The following MYO18A variants were observed in gnomAD, a reference collection of about 807,000 sequenced individuals.
MYO18A encodes the protein myosin XVIIIA, also known as unconventional myosin-XVIIIa.
In MYO18A, 78 loss-of-function variants were observed where a neutral mutation model predicts 235.8. The ratio of observed to expected loss-of-function variants is 0.33; its 90% CI spans 0.28 to 0.40. MYO18A has a LOEUF of 0.40. Ranked by LOEUF, MYO18A falls within the 10% of genes least tolerant of loss-of-function variation. The pLI is 1.00. For missense variants in MYO18A, 2,215 were observed against 2,699.3 expected (o/e 0.82, Z 3.98); for synonymous variants, 977 against 1,077.8 (o/e 0.91, Z 1.83).
rs946263898 is a variant in MYO18A at position 29,158,598 on chromosome 17, G to A, written c.999+7344C>T. Among the ~76,000 whole-genome samples the A allele has an allele frequency of 3.9e-5, 6 of 152,294 alleles. No homozygotes were observed. Among genetic ancestry groups the A allele is most frequent in the Middle Eastern group, 3.4e-3 (1 of 294 alleles). On this transcript the variant is annotated intron_variant, in intron 2 of 41. Coordinates refer to ENST00000527372, the MANE Select transcript of MYO18A (RefSeq NM_078471.4). This position sits in a 1 kb window ranked among gnomAD's most constrained non-coding sequence, Gnocchi z 4.3. ...CCGCTGCCCAGGACTGACAATGGAG[G>A]CGCCAGGCTGCCTGCCCAGGCAGCA...
intron 19 of MYO18A, among the ~76,000 whole-genome samples, chr17:29,108,062 AACAGCG>A (rs1263884267): frequency 6.6e-6 from 1 of 151,844 alleles, no homozygotes; most frequent in Non-Finnish European, 1.5e-5. Context: ...TTCACCTTTA[AACAGCG>A]GCCCTCGCAC....
intron 2 of MYO18A, among the ~76,000 whole-genome samples, chr17:29,150,411 T>C (rs2067941868): frequency 6.6e-6 from 1 of 152,232 alleles, no homozygotes; most frequent in Admixed American, 6.5e-5. Context: ...GCTGCCCCAG[T>C]TGTGGTGGCA....
At chr17:29,128,234 TTTTCTCCCCTCTTGCTTCGAGTCGG>T in intron 2 of MYO18A, 1 of 1,164,264 alleles carries the variant, frequency 8.6e-7, no homozygotes, top group Non-Finnish European at 1.1e-6. Context: ...AGAAGCTGCC[TTTTCTCCCCTCTTGCTTCGAGTCGG>T]GTGCTCGGGG....
chr17:29,110,896 A>G (rs1486822316), intron 17 of MYO18A, among the ~76,000 whole-genome samples: 1 of 152,218 alleles, frequency 6.6e-6, no homozygotes, highest in Non-Finnish European at 1.5e-5. Flanking sequence ...TCCCCTCACC[A>G]GGGAGGGCAA....
At chr17:29,085,165 A>T (rs1015754366) in intron 40 of MYO18A, among the ~76,000 whole-genome samples, 28 of 152,178 alleles carry the variant, frequency 1.8e-4, no homozygotes, top group African/African-American at 6.8e-4. Context: ...TTAAAGATGA[A>T]ACACGCCCGC....
At chr17:29,136,235 G>GAA (rs1181249964) in intron 2 of MYO18A, among the ~76,000 whole-genome samples, 1,104 of 105,172 alleles carry the variant, frequency 0.01, 20 homozygotes, top group South Asian at 0.058. Context: ...CATCTCAAAA[G>GAA]AAAAAAAAAA....
At chr17:29,089,231 GA>G in intron 37 of MYO18A, among the ~76,000 whole-genome samples, 1 of 151,302 alleles carries the variant, frequency 6.6e-6, no homozygotes, top group Non-Finnish European at 1.5e-5. Flanking sequence ...AGGAGATCAA[GA>G]CCATCCTGGC....
Position 29,117,157 on chromosome 17 carries a change from T to A in MYO18A, c.2039-702A>T, listed in dbSNP as rs12602635. On this transcript the variant is annotated intron_variant, in intron 10 of 41. Transcript: ENST00000527372. This position sits in a 1 kb window ranked among gnomAD's most constrained non-coding sequence, Gnocchi z 4.6. The stretch of plus-strand genomic sequence containing the variant: ...GGTGCTGTTCAGCGCCAGCATCCCC[T>A]TTCCCTAAACTGGAGAAAAAGGGGG... Among the ~76,000 whole-genome samples the A allele has an allele frequency of 6.6e-6, 1 of 152,096 alleles. No individual in the cohort carries two copies. The highest frequency in any genetic ancestry group is 1.9e-4 in the East Asian group (1 of 5,156).
Position 29,122,004 on chromosome 17 carries a change from C to T in MYO18A, c.1088-47G>A, listed in dbSNP as rs767712474. The T allele has an allele frequency of 3.8e-6, 6 of 1,593,954 alleles. No individual in the cohort carries two copies. The African/African-American group carries it at 8.1e-5, about 21-fold the overall frequency. ...CTGGGATGGGCCTGGGAAGCCTCTG[C>T]TACTCCACTTGGGAACTTCTCGGTC... On this transcript the variant is annotated intron_variant, in intron 3 of 41. Transcript: ENST00000527372.
At chr17:29,160,842 CT>C (rs1044880289) in intron 2 of MYO18A, among the ~76,000 whole-genome samples, 1 of 152,252 alleles carries the variant, frequency 6.6e-6, no homozygotes, top group Middle Eastern at 3.2e-3. Context: ...AGAAGTACCC[CT>C]ACCACAGCGA....
At chr17:29,076,715 T>C (rs372427371) in intron 41 of MYO18A, 1 of 152,118 alleles carries the variant, frequency 6.6e-6, no homozygotes, top group East Asian at 1.9e-4. Flanking sequence ...TATTTTAGCT[T>C]TGGGGTTGTT....
intron 37 of MYO18A, among the ~76,000 whole-genome samples, chr17:29,089,458 G>A (rs239264): frequency 1.1e-4 from 12 of 108,904 alleles, no homozygotes; most frequent in Admixed American, 1.9e-4. Context: ...GAAGGGAGAA[G>A]AAAGAATAGG....
chr17:29,158,100 G>A lies in MYO18A; in HGVS notation c.999+7842C>T, dbSNP rs1567639060. On this transcript the variant is annotated intron_variant, in intron 2 of 41. Transcript: ENST00000527372. The surrounding 1 kb of genome is among the most constrained non-coding windows in gnomAD (Gnocchi z 4.3). ...TGAGCCACTGTGCCCTGCCTTGGCTGAGTCTTACCCAGATCAATTAAACAC... is the reference window on the plus strand; with the variant it reads ...TGAGCCACTGTGCCCTGCCTTGGCTAAGTCTTACCCAGATCAATTAAACAC... Among the ~76,000 whole-genome samples the A allele has an allele frequency of 1.3e-5, 2 of 152,136 alleles. No homozygotes were observed. The highest frequency in any genetic ancestry group is 2.9e-5 in the Non-Finnish European group (2 of 68,028).
chr17:29,118,351 C>G lies in MYO18A; in HGVS notation c.1893+26G>C. On this transcript the variant is annotated intron_variant, in intron 9 of 41. Coordinates refer to ENST00000527372, the MANE Select transcript of MYO18A (RefSeq NM_078471.4). This position sits in a 1 kb window ranked among gnomAD's most constrained non-coding sequence, Gnocchi z 4.2. Reference sequence around the variant, plus strand: ...TCCTACCCCCAAGGCCCAGGGCTGGCAACCCAGACCCCACAGACCCCTCAC... The same window carrying G: ...TCCTACCCCCAAGGCCCAGGGCTGGGAACCCAGACCCCACAGACCCCTCAC... The G allele has an allele frequency of 6.3e-7, 1 of 1,594,990 alleles. No homozygotes were observed. The highest frequency in any genetic ancestry group is 8.6e-7 in the Non-Finnish European group (1 of 1,165,752).
chr17:29,170,440 C>A (rs1442737116), intron 1 of MYO18A, among the ~76,000 whole-genome samples: 1 of 152,214 alleles, frequency 6.6e-6, no homozygotes, highest in African/African-American at 2.4e-5. Context: ...TTCTTGTAGA[C>A]CTTGCACTTT....
At chr17:29,163,433 T>G (rs2068215746) in intron 2 of MYO18A, among the ~76,000 whole-genome samples, 1 of 152,214 alleles carries the variant, frequency 6.6e-6, no homozygotes, top group South Asian at 2.1e-4. Context: ...TCCTGCCACA[T>G]GGCTCTAGGA....
chr17:29,147,775 T>C (rs1299392286), intron 2 of MYO18A, among the ~76,000 whole-genome samples: 1 of 151,328 alleles, frequency 6.6e-6, no homozygotes, highest in Non-Finnish European at 1.5e-5. Context: ...CCTGCAACTG[T>C]AGTCTTAGCT....
At chr17:29,139,372 C>T (rs552137800) in intron 2 of MYO18A, among the ~76,000 whole-genome samples, 1 of 152,176 alleles carries the variant, frequency 6.6e-6, no homozygotes, top group South Asian at 2.1e-4. Flanking sequence ...GGGGAGAGTA[C>T]CCTAGACCAG....
At chr17:29,103,509 G>C in intron 21 of MYO18A, 90 bp downstream of exon 21, 1 of 1,308,238 alleles carries the variant, frequency 7.6e-7, no homozygotes, top group Non-Finnish European at 1.1e-6. Context: ...GGTGATGTCT[G>C]GCTGAGCAAA....
Sources: allele counts gnomAD v4.1 joint callset (sites outside exome capture counted in the v4.1 genomes callset), GRCh38; gene constraint gnomAD v4.1.1; non-coding constraint Gnocchi (gnomAD v3.1); transcripts MANE v1.5; gene names NCBI Gene and HGNC (gene_info 2026-07-23, HGNC 2026-07-21).